Variants in MBNL2 observed in about 807,000 individuals in gnomAD.
MBNL2 encodes the protein muscleblind-like protein 2.
Under a neutral mutation model 41.9 loss-of-function variants are expected in MBNL2, and 17 were observed. The ratio of observed to expected loss-of-function variants is 0.41; its 90% CI spans 0.28 to 0.61. The LOEUF (loss-of-function observed/expected upper bound fraction) is 0.61, where lower values mean the gene tolerates loss of function less well. Ranked by LOEUF, MBNL2 falls within the 20% of genes least tolerant of loss-of-function variation. The probability of loss-of-function intolerance (pLI) is 0.35; values close to 1 mark genes in which losing one functional copy is unlikely to be tolerated. For synonymous variants in MBNL2, 195 were observed against 182.9 expected, an observed-to-expected ratio of 1.07 and a Z score of -0.53; for missense variants, 336 against 505.6, an observed-to-expected ratio of 0.66 and a Z score of 3.22.
In MBNL2 at chr13:97,317,208, A is replaced by G. The variant is rs74106909; in HGVS notation, c.175-17068A>G. 1.4e-3 allele frequency among the ~76,000 whole-genome samples: 208 copies of G among 152,320 alleles called. 1 individual carries two copies. Among genetic ancestry groups the G allele is most frequent in the African/African-American group, 4.6e-3 (193 of 41,570 alleles). On this transcript the variant is annotated intron_variant, in intron 2 of 8. Coordinates refer to ENST00000679496, the MANE Select transcript of MBNL2 (RefSeq NM_001382683.1). ...TTGGGCTTCAGTCCCGTGTGGTCCT[A>G]TAAGTGTCACTCTGTTCCAGGGCCG...
chr13:97,309,721 G>A (rs2058418627), intron 2 of MBNL2, among the ~76,000 whole-genome samples: 1 of 152,198 alleles, frequency 6.6e-6, no homozygotes, highest in African/African-American at 2.4e-5. Flanking sequence ...GGTAGCAATG[G>A]GAAATTCAGG....
At chr13:97,247,696 C>T (rs1412713422) in intron 1 of MBNL2, among the ~76,000 whole-genome samples, 1 of 152,170 alleles carries the variant, frequency 6.6e-6, no homozygotes, top group East Asian at 1.9e-4. Context: ...TAAAAGAAAG[C>T]AGAATGGTTA....
chr13:97,357,674 G>T (rs773348932), intron 7 of MBNL2, 39 bp downstream of exon 7: 1 of 1,599,996 alleles, frequency 6.3e-7, no homozygotes, highest in Admixed American at 1.7e-5. Flanking sequence ...TGCCCTTCTG[G>T]TCATGTGCTT....
At chr13:97,159,017 A>T in the MBNL2 span, among the ~76,000 whole-genome samples, 7,310 of 149,932 alleles carry the variant, frequency 0.049, 251 homozygotes, top group South Asian at 0.075. Flanking sequence ...CCCATTATTA[A>T]TGTGTGGGAG....
At chr13:97,306,003 G>A (rs780439357) in intron 2 of MBNL2, among the ~76,000 whole-genome samples, 2 of 152,282 alleles carry the variant, frequency 1.3e-5, no homozygotes, top group East Asian at 1.9e-4. Flanking sequence ...CCCTGAGCCC[G>A]GAGGTGTCCT....
At chr13:97,199,573 A>G in the MBNL2 span, among the ~76,000 whole-genome samples, 2 of 152,240 alleles carry the variant, frequency 1.3e-5, no homozygotes, top group South Asian at 2.1e-4. Flanking sequence ...GCTATACAAG[A>G]CATTTAAAAA....
intron 1 of MBNL2, among the ~76,000 whole-genome samples, chr13:97,261,938 G>A (rs1051059970): frequency 1.3e-5 from 2 of 152,158 alleles, no homozygotes; most frequent in Admixed American, 6.5e-5. Flanking sequence ...GTGGCCGCAC[G>A]CTGGCCCATA....
the MBNL2 span, among the ~76,000 whole-genome samples, chr13:97,152,821 G>GA: frequency 4.6e-5 from 7 of 152,040 alleles, no homozygotes; most frequent in African/African-American, 7.2e-5. Context: ...AGTATATCAA[G>GA]AAAAAAGACA....
At chr13:97,301,037 G>A (rs1206200110) in intron 2 of MBNL2, among the ~76,000 whole-genome samples, 1 of 152,220 alleles carries the variant, frequency 6.6e-6, no homozygotes. Context: ...AAGGGCAGTT[G>A]ATGTGCCTGA....
chr13:97,254,147 A>G (rs1186403520), intron 1 of MBNL2, among the ~76,000 whole-genome samples: 1 of 152,230 alleles, frequency 6.6e-6, no homozygotes, highest in Non-Finnish European at 1.5e-5. Flanking sequence ...TCGGCCTTCC[A>G]AAGTGCTGGG....
chr13:97,144,675 C>T, the MBNL2 span, among the ~76,000 whole-genome samples: 18 of 151,912 alleles, frequency 1.2e-4, no homozygotes, highest in Admixed American at 2.0e-4. Context: ...TCAGGTAATC[C>T]GCCCACCTCA....
At chr13:97,287,934 G>GTTT (rs1397865029) in intron 2 of MBNL2, among the ~76,000 whole-genome samples, 1 of 73,638 alleles carries the variant, frequency 1.4e-5, no homozygotes, top group African/African-American at 4.8e-5. Context: ...TTTTTGTTTT[G>GTTT]TTTTGTTTTT....
chr13:97,290,687 A>C (rs1402799689), intron 2 of MBNL2, among the ~76,000 whole-genome samples: 64 of 150,550 alleles, frequency 4.3e-4, no homozygotes, highest in African/African-American at 1.5e-3. Context: ...CGTCTCAAAA[A>C]AAAAAAAAAA....
upstream of MBNL2, among the ~76,000 whole-genome samples, chr13:97,216,859 C>T (rs1367122108): frequency 6.6e-6 from 1 of 151,072 alleles, no homozygotes; most frequent in Non-Finnish European, 1.5e-5. Context: ...TGTGTGTGTG[C>T]ATGCATGGAT....
chr13:97,272,624 G>A (rs114124134), intron 1 of MBNL2, among the ~76,000 whole-genome samples: 4,244 of 152,136 alleles, frequency 0.028, 118 homozygotes, highest in African/African-American at 0.071. Context: ...TTTTGTATAA[G>A]GTGTAAGGCA....
chr13:97,287,929 G>GTTTTTT (rs2054942480), intron 2 of MBNL2, among the ~76,000 whole-genome samples: 1 of 72,628 alleles, frequency 1.4e-5, no homozygotes, highest in African/African-American at 4.8e-5. Context: ...TTTTTTTTTT[G>GTTTTTT]TTTTGTTTTG....
chr13:97,352,149 T>TATAATAA (rs2062556868), intron 5 of MBNL2, among the ~76,000 whole-genome samples: 1 of 152,200 alleles, frequency 6.6e-6, no homozygotes, highest in Admixed American at 6.5e-5. Flanking sequence ...TTTCCCACAC[T>TATAATAA]GGCAATAAGG....
intron 3 of MBNL2, among the ~76,000 whole-genome samples, chr13:97,341,939 G>T (rs1203110669): frequency 6.6e-6 from 1 of 152,158 alleles, no homozygotes; most frequent in Non-Finnish European, 1.5e-5. Context: ...TGTTAAAAGT[G>T]TGACAAGCAA....
At chr13:97,186,372 T>G in the MBNL2 span, among the ~76,000 whole-genome samples, 1 of 152,176 alleles carries the variant, frequency 6.6e-6, no homozygotes, top group Admixed American at 6.5e-5. Context: ...CCATTAGATC[T>G]CTCTGACTTC....
Sources: gnomAD v4.1 joint callset for allele counts (sites outside exome capture counted in the v4.1 genomes callset) on GRCh38, gnomAD v4.1.1 for gene constraint, MANE v1.5 for transcripts, NCBI Gene and HGNC (gene_info 2026-07-23, HGNC 2026-07-21) for gene names.